CCDC42: variants seen among roughly 807,000 people sequenced by gnomAD.
CCDC42 encodes the protein coiled-coil domain-containing protein 42.
In CCDC42, 38 loss-of-function variants were observed where a neutral mutation model predicts 40.8. That is an observed-to-expected ratio of 0.93 (90% CI 0.72 to 1.22). The LOEUF (loss-of-function observed/expected upper bound fraction) is 1.22. Among genes scored for constraint, CCDC42 ranks in the 50% most tolerant of loss-of-function variants. CCDC42 has a pLI of 0.00. For missense variants in CCDC42, 379 were observed against 416.5 expected (o/e 0.91, Z 0.78); for synonymous variants, 135 against 157.5 (o/e 0.86, Z 1.07).
chr17:8,736,110 T>C (rs1195615133), intron 4 of CCDC42, among the ~76,000 whole-genome samples: 6 of 152,244 alleles, frequency 3.9e-5, no homozygotes, highest in African/African-American at 9.6e-5. Context: ...CCAGGAGCTA[T>C]GCTAAATGCT....
In CCDC42 at chr17:8,735,412, GC is replaced by G. The variant is rs760621171; in HGVS notation, c.691del (p.Ala231ProfsTer34). 2.2e-5 allele frequency: 35 copies of G among 1,613,856 alleles called. No individual in the cohort carries two copies. The highest frequency in any genetic ancestry group is 2.9e-5 in the Non-Finnish European group (34 of 1,180,040). On this transcript the variant is annotated frameshift_variant, in exon 5 of 7. Coordinates refer to ENST00000293845, the MANE Select transcript of CCDC42 (RefSeq NM_144681.3). LOFTEE classifies it high-confidence loss of function. This position sits in a 1 kb window ranked among gnomAD's most constrained non-coding sequence, Gnocchi z 4.7. The stretch of plus-strand genomic sequence containing the variant: ...CACCCAGAAGATGACATTGCTGCGG[GC>G]ACGGTCAAAGCGCATCTGCAGCCTT... ...LARLQMRFDR[A>X]RSNVIFWESR...
intron 4 of CCDC42, among the ~76,000 whole-genome samples, chr17:8,741,029 C>G (rs1381901734): frequency 6.6e-6 from 1 of 152,132 alleles, no homozygotes; most frequent in Non-Finnish European, 1.5e-5. Flanking sequence ...CTTCCTCTCC[C>G]CAATTTACTC....
In CCDC42 at chr17:8,744,573, C is replaced by T. The variant is rs748455640; in HGVS notation, c.37G>A (p.Glu13Lys). 9 of 1,612,600 alleles carry T rather than the reference C, an allele frequency of 5.6e-6. No individual in the cohort carries two copies. Among genetic ancestry groups the T allele is most frequent in the East Asian group, 4.5e-5 (2 of 44,886 alleles). ...TCCCCATACTGCAGCCGGAAGTACT[C>T]GGCCAGGTCTTCCTCTTCCATGATG... Reference protein sequence around the residue: ...LGIMEEEDLAEYFRLQYGERL... With the variant: ...LGIMEEEDLAKYFRLQYGERL... The change falls in exon 1 of 7, where the codon GAG becomes AAG. Residue 13 changes from glutamate to lysine, a missense_variant. Coordinates refer to ENST00000293845, the MANE Select transcript of CCDC42 (RefSeq NM_144681.3).
At position 8,729,983 on chromosome 17, in the gene CCDC42, T is replaced by G. The variant is rs2086569601; in HGVS notation, c.*147A>C. The G allele has an allele frequency of 2.9e-6, 2 of 689,832 alleles. No homozygotes were observed. The highest frequency in any genetic ancestry group is 4.3e-5 in the Admixed American group (2 of 46,122). The allele number at this position is 689,832 out of a possible 1,614,324, so 42.7% of individuals were successfully genotyped here. On this transcript the variant is annotated 3_prime_UTR_variant, in exon 7 of 7. Coordinates refer to ENST00000293845, the MANE Select transcript of CCDC42 (RefSeq NM_144681.3). Reference sequence around the variant, plus strand: ...ACATTCACTGTTTTCAGGGATAGAGTGAGGCCCACGGGGGAAAATAAGCAG... The same window carrying G: ...ACATTCACTGTTTTCAGGGATAGAGGGAGGCCCACGGGGGAAAATAAGCAG...
intron 3 of CCDC42, among the ~76,000 whole-genome samples, chr17:8,741,998 T>C (rs1291614777): frequency 6.6e-6 from 1 of 152,004 alleles, no homozygotes; most frequent in African/African-American, 2.4e-5. Flanking sequence ...GGACTTGGGC[T>C]CTGGACTTCA....
Position 8,740,963 on chromosome 17 carries a change from C to G in CCDC42, c.492+511G>C, listed in dbSNP as rs2086639239. Among the ~76,000 whole-genome samples, 2 of 152,116 alleles carry G rather than the reference C, an allele frequency of 1.3e-5. 1 individual carries two copies. The highest frequency in any genetic ancestry group is 4.1e-4 in the South Asian group (2 of 4,828). On this transcript the variant is annotated intron_variant, in intron 4 of 6. Transcript: ENST00000293845. ...GTGAAGCACCAACCCCGGGGCCCAG[C>G]ACATACAAAGCACCCTAGTTCTGCA...
At position 8,730,176 on chromosome 17, in the gene CCDC42, A is replaced by T; in HGVS notation, c.905T>A (p.Ile302Asn). ...IQQFIQDRSDIWAEVKKKEQQ... is the reference protein window; with the variant it reads ...IQQFIQDRSDNWAEVKKKEQQ... ...TTCCTTCTTTTTCACCTCTGCCCAG[A>T]TGTCCGACCGGTCTTGGATAAATTG... The change falls in exon 7 of 7, where the codon ATC becomes AAC. Residue 302 changes from isoleucine to asparagine, a missense_variant. Transcript: ENST00000293845. 6.2e-7 allele frequency: 1 copy of T among 1,613,940 alleles called. No homozygotes were observed. The highest frequency in any genetic ancestry group is 8.5e-7 in the Non-Finnish European group (1 of 1,179,928).
At chr17:8,739,484 C>G (rs1371132754) in intron 4 of CCDC42, among the ~76,000 whole-genome samples, 1 of 152,192 alleles carries the variant, frequency 6.6e-6, no homozygotes, top group Non-Finnish European at 1.5e-5. Flanking sequence ...CCAATTTCCT[C>G]CATTCTAAGA....
chr17:8,741,993 TG>T (rs1192492464), intron 3 of CCDC42, among the ~76,000 whole-genome samples: 1 of 151,966 alleles, frequency 6.6e-6, no homozygotes, highest in African/African-American at 2.4e-5. Flanking sequence ...CTGTGGGACT[TG>T]GGCTCTGGAC....
intron 3 of CCDC42, among the ~76,000 whole-genome samples, chr17:8,742,005 T>C (rs2086648977): frequency 6.6e-6 from 1 of 151,998 alleles, no homozygotes; most frequent in Admixed American, 6.6e-5. Flanking sequence ...GGCTCTGGAC[T>C]TCAGAGAGTG....
At chr17:8,731,764 G>C (rs184852664) in intron 6 of CCDC42, among the ~76,000 whole-genome samples, 23 of 152,138 alleles carry the variant, frequency 1.5e-4, no homozygotes, top group Admixed American at 3.3e-4. Context: ...GTGGAGAGTG[G>C]GAGGAGGGAG....
Position 8,743,720 on chromosome 17 carries a change from C to A in CCDC42, c.200G>T (p.Arg67Leu), listed in dbSNP as rs373585013. The change falls in exon 3 of 7, where the codon CGC becomes CTC. Residue 67 changes from arginine to leucine, a missense_variant. Coordinates refer to ENST00000293845, the MANE Select transcript of CCDC42 (RefSeq NM_144681.3). The stretch of plus-strand genomic sequence containing the variant: ...GCGCAGGTTCAGGGTTTCCATTCTG[C>A]GCTGAAACATCTTTGGGGTGGGGGT... ...TMVQKKKMFQRRMETLNLRWE... is the reference protein window; with the variant it reads ...TMVQKKKMFQLRMETLNLRWE... The A allele has an allele frequency of 6.3e-7, 1 of 1,584,254 alleles. No individual in the cohort carries two copies. Among genetic ancestry groups the A allele is most frequent in the Non-Finnish European group, 8.7e-7 (1 of 1,153,018 alleles).
rs753231339 is a variant in CCDC42, at chr17:8,743,706, G to C, written c.214C>G (p.Leu72Val). Residue 72 changes from leucine (L) to valine (V), a missense_variant, in exon 3 of 7, where the codon CTG becomes GTG. Physicochemically the swap from Leu to Val is conservative, Grantham distance 32. Coordinates refer to ENST00000293845, the MANE Select transcript of CCDC42 (RefSeq NM_144681.3). Reference sequence around the variant, plus strand: ...CCCAGTTCCTCCCAGCGCAGGTTCAGGGTTTCCATTCTGCGCTGAAACATC... The same window carrying C: ...CCCAGTTCCTCCCAGCGCAGGTTCACGGTTTCCATTCTGCGCTGAAACATC... Reference protein sequence around the residue: ...KKMFQRRMETLNLRWEELGVK... With the variant: ...KKMFQRRMETVNLRWEELGVK... 3.7e-6 allele frequency: 6 copies of C among 1,611,366 alleles called. No individual in the cohort carries two copies. Among genetic ancestry groups the C allele is most frequent in the Admixed American group, 3.3e-5 (2 of 59,990 alleles).
At chr17:8,741,802 G>T in intron 3 of CCDC42, 131 bp from the exon 4 acceptor site, 1 of 843,986 alleles carries the variant, frequency 1.2e-6, no homozygotes. Context: ...GGCAGAGATT[G>T]CTGGGCCACC....
At chr17:8,737,654 T>A (rs895702086) in intron 4 of CCDC42, among the ~76,000 whole-genome samples, 1 of 152,184 alleles carries the variant, frequency 6.6e-6, no homozygotes. Flanking sequence ...ATATTCTGAC[T>A]TCTATCAATA....
chr17:8,735,755 G>A lies in CCDC42; in HGVS notation c.493-144C>T, dbSNP rs1407212562. Reference sequence around the variant, plus strand: ...TTGGCCAGGGTCACGGCCAGAGGCTGTGAGGGACACTGGGGTTCCGCTGCC... The same window carrying A: ...TTGGCCAGGGTCACGGCCAGAGGCTATGAGGGACACTGGGGTTCCGCTGCC... On this transcript the variant is annotated intron_variant, in intron 4 of 6. Transcript: ENST00000293845. This position sits in a 1 kb window ranked among gnomAD's most constrained non-coding sequence, Gnocchi z 4.7. 7.6e-6 allele frequency: 5 copies of A among 654,504 alleles called. No individual in the cohort carries two copies. The highest frequency in any genetic ancestry group is 1.3e-5 in the Non-Finnish European group (5 of 384,068). 40.5% of individuals were successfully genotyped at this position (654,504 alleles called of 1,614,324 possible).
chr17:8,744,750 A>T lies in CCDC42; in HGVS notation c.-141T>A, dbSNP rs1398651646. ...AGGGTCCCACAGATGATGGAGTTTGAGACTCCACAGAAGGTGGCTGGAGAC... is the reference window on the plus strand; with the variant it reads ...AGGGTCCCACAGATGATGGAGTTTGTGACTCCACAGAAGGTGGCTGGAGAC... On this transcript the variant is annotated 5_prime_UTR_variant, in exon 1 of 7. Transcript: ENST00000293845. The T allele has an allele frequency of 1.5e-6, 1 of 657,738 alleles. No individual in the cohort carries two copies. The allele number at this position is 657,738 out of a possible 1,614,324, so 40.7% of individuals were successfully genotyped here. A position where few individuals can be genotyped will look rare whatever the true frequency, so the allele number is the denominator to read the frequency against.
intron 6 of CCDC42, among the ~76,000 whole-genome samples, chr17:8,731,806 G>A (rs1041080581): frequency 6.6e-6 from 1 of 152,142 alleles, no homozygotes; most frequent in Non-Finnish European, 1.5e-5. Flanking sequence ...TGGATACTCG[G>A]CTTAATACCT....
intron 1 of CCDC42, 131 bp downstream of exon 1, chr17:8,744,396 C>T (rs2151141365): frequency 2.5e-6 from 2 of 808,984 alleles, no homozygotes; most frequent in Non-Finnish European, 4.2e-6. Context: ...ATGAGGTGGA[C>T]TGGTGCCAAG....
Sources: allele counts gnomAD v4.1 joint callset (sites outside exome capture counted in the v4.1 genomes callset), GRCh38; gene constraint gnomAD v4.1.1; non-coding constraint Gnocchi (gnomAD v3.1); transcripts MANE v1.5; gene names NCBI Gene and HGNC (gene_info 2026-07-23, HGNC 2026-07-21).